The following NRXN3 variants were observed in gnomAD, a reference collection of about 807,000 sequenced individuals.
The protein encoded by NRXN3 is neurexin III.
NRXN3 carries 32 observed loss-of-function variants against 137.6 expected under a neutral mutation model. That is an observed-to-expected ratio of 0.23 (90% CI 0.18 to 0.31). The LOEUF is 0.31. Ranked by LOEUF, NRXN3 falls within the 10% of genes least tolerant of loss-of-function variation. The probability of loss-of-function intolerance (pLI) is 1.00; values close to 1 mark genes in which losing one functional copy is unlikely to be tolerated. For synonymous variants in NRXN3, 798 were observed against 784.5 expected (o/e 1.02, Z -0.29); for missense variants, 1,574 against 2,062.5 (o/e 0.76, Z 4.59).
intron 15 of NRXN3, among the ~76,000 whole-genome samples, chr14:79,447,466 G>A (rs575251553): frequency 2.6e-4 from 39 of 152,286 alleles, no homozygotes; most frequent in African/African-American, 9.1e-4. Context: ...CCTTTTATTA[G>A]TCAAGAGAAA....
At chr14:79,241,454 A>G (rs375268577) in intron 15 of NRXN3, among the ~76,000 whole-genome samples, 2 of 152,194 alleles carry the variant, frequency 1.3e-5, no homozygotes, top group East Asian at 1.9e-4. Context: ...CACATCTTAC[A>G]TGGCGGCAGG....
chr14:79,517,181 T>C (rs546405920), intron 16 of NRXN3, among the ~76,000 whole-genome samples: 17 of 151,054 alleles, frequency 1.1e-4, no homozygotes, highest in African/African-American at 3.9e-4. Context: ...CCATCTGGTA[T>C]GTGAAAATGG....
At chr14:78,906,358 C>T (rs1046283163) in intron 10 of NRXN3, among the ~76,000 whole-genome samples, 1 of 152,002 alleles carries the variant, frequency 6.6e-6, no homozygotes, top group Non-Finnish European at 1.5e-5. Context: ...TTTCCCATAT[C>T]TACTTCCTCT....
At chr14:79,787,000 G>A (rs2099131313) in intron 19 of NRXN3, among the ~76,000 whole-genome samples, 1 of 152,208 alleles carries the variant, frequency 6.6e-6, no homozygotes, top group Admixed American at 6.5e-5. Flanking sequence ...GAAAGGAGGA[G>A]AAGCAAAACC....
rs2049176258 is a variant in NRXN3, at chr14:79,091,459, G to GT, written c.3262+103323dup. ...GACTCAGCCTCTGATTCCTCAGGAGGTTTTTCCCACCCCTTTCCCTATTCC... is the reference window on the plus strand; with the variant it reads ...GACTCAGCCTCTGATTCCTCAGGAGGTTTTTTCCCACCCCTTTCCCTATTCC... On this transcript the variant is annotated intron_variant, in intron 15 of 20. Transcript: ENST00000335750. Among the ~76,000 whole-genome samples the GT allele has an allele frequency of 2.0e-5, 3 of 152,010 alleles. No individual in the cohort carries two copies. In the South Asian group the frequency reaches 6.2e-4, roughly 32 times the overall value.
intron 16 of NRXN3, among the ~76,000 whole-genome samples, chr14:79,552,443 A>T (rs906638455): frequency 6.6e-6 from 1 of 152,168 alleles, no homozygotes; most frequent in Non-Finnish European, 1.5e-5. Flanking sequence ...CAAAGTGGCT[A>T]ATAGGGTGTG....
At chr14:78,405,378 A>T (rs1052352543) in intron 4 of NRXN3, among the ~76,000 whole-genome samples, 31 of 152,306 alleles carry the variant, frequency 2.0e-4, no homozygotes, top group Non-Finnish European at 4.4e-5. Flanking sequence ...ATAGCTTCAC[A>T]GTGCTTTGCT....
At chr14:79,359,286 G>C (rs187081504) in intron 15 of NRXN3, among the ~76,000 whole-genome samples, 17 of 152,252 alleles carry the variant, frequency 1.1e-4, no homozygotes, top group South Asian at 4.1e-4. Context: ...GAGTAAGGGT[G>C]GGGGTGACTG....
chr14:78,372,166 G>GA (rs35948297), intron 4 of NRXN3, among the ~76,000 whole-genome samples: 7 of 114,244 alleles, frequency 6.1e-5, no homozygotes, highest in East Asian at 2.7e-4. Flanking sequence ...ATCTGATTCT[G>GA]AAAAAAAAAT....
intron 15 of NRXN3, among the ~76,000 whole-genome samples, chr14:79,399,020 A>AAG (rs34791914): frequency 6.6e-6 from 1 of 150,982 alleles, no homozygotes; most frequent in Middle Eastern, 3.3e-3. Context: ...AAAAAAAAAA[A>AAG]AAAAAAAGAA....
At chr14:79,406,232 G>A (rs1192643510) in intron 15 of NRXN3, among the ~76,000 whole-genome samples, 1 of 151,238 alleles carries the variant, frequency 6.6e-6, no homozygotes, top group Non-Finnish European at 1.5e-5. Context: ...TCATCCTTTA[G>A]ACATTGCATT....
Position 79,383,782 on chromosome 14 carries a change from A to G in NRXN3, c.3263-83439A>G, listed in dbSNP as rs114998480. On this transcript the variant is annotated intron_variant, in intron 15 of 20. Transcript: ENST00000335750. ...AATGCATGCTTCATTTTATTATCCAATTGTAACCCATCTAGATAAATTTAA... is the reference window on the plus strand; with the variant it reads ...AATGCATGCTTCATTTTATTATCCAGTTGTAACCCATCTAGATAAATTTAA... 5.5e-3 allele frequency among the ~76,000 whole-genome samples: 836 copies of G among 152,222 alleles called. 9 individuals carry two copies. The highest frequency in any genetic ancestry group is 0.019 in the African/African-American group (797 of 41,550).
intron 4 of NRXN3, among the ~76,000 whole-genome samples, chr14:78,303,600 G>A (rs2077080888): frequency 6.6e-6 from 1 of 152,036 alleles, no homozygotes; most frequent in South Asian, 2.1e-4. Context: ...TATTTTCAGT[G>A]GGCATACCCC....
At chr14:79,478,190 T>C (rs2153633769) in intron 16 of NRXN3, among the ~76,000 whole-genome samples, 1 of 148,020 alleles carries the variant, frequency 6.8e-6, no homozygotes, top group East Asian at 2.0e-4. Flanking sequence ...TATTATTTTA[T>C]ATATTTATAC....
intron 1 of NRXN3, among the ~76,000 whole-genome samples, chr14:78,188,960 T>C (rs1289373423): frequency 6.6e-6 from 1 of 152,092 alleles, no homozygotes; most frequent in Non-Finnish European, 1.5e-5. Context: ...CTAATTCTAA[T>C]TCAAATAAAA....
chr14:79,755,358 T>C (rs2099015717), intron 19 of NRXN3, among the ~76,000 whole-genome samples: 1 of 152,122 alleles, frequency 6.6e-6, no homozygotes, highest in African/African-American at 2.4e-5. Context: ...TCTCTCCCTC[T>C]GCATCTATCT....
rs1337804478 is a variant in NRXN3 at position 79,407,014 on chromosome 14, G to T, written c.3263-60207G>T. Among the ~76,000 whole-genome samples, 3 of 152,100 alleles carry T rather than the reference G, an allele frequency of 2.0e-5. No individual in the cohort carries two copies. The East Asian group carries it at 5.8e-4, about 29-fold the overall frequency. On this transcript the variant is annotated intron_variant, in intron 15 of 20. Transcript: ENST00000335750. ...ACCTCTATGGTCCCCCTGAGTTTGA[G>T]CCTTGAATGTAGACGATCAGGGATG...
At chr14:79,449,718 A>T (rs1222937806) in intron 15 of NRXN3, among the ~76,000 whole-genome samples, 1 of 152,192 alleles carries the variant, frequency 6.6e-6, no homozygotes, top group African/African-American at 2.4e-5. Context: ...GGCCAGGCGC[A>T]GTGGCTCACG....
rs138576305 is a variant in NRXN3, at chr14:79,506,309, T to G, written c.3444+38907T>G. ...CTGGGTATTCCAGAGAACTACCACT[T>G]TACCTGAACATAGCTCTTTACACAA... On this transcript the variant is annotated intron_variant, in intron 16 of 20. Transcript: ENST00000335750. 4.6e-5 allele frequency among the ~76,000 whole-genome samples: 7 copies of G among 152,292 alleles called. No individual in the cohort carries two copies. The East Asian group carries it at 9.7e-4, about 21-fold the overall frequency.
Sources: allele counts gnomAD v4.1 joint callset (sites outside exome capture counted in the v4.1 genomes callset), GRCh38; gene constraint gnomAD v4.1.1; transcripts MANE v1.5; gene names NCBI Gene and HGNC (gene_info 2026-07-23, HGNC 2026-07-21).